RNF111: variants seen among roughly 807,000 people sequenced by gnomAD.
RNF111 encodes ring finger protein 111.
In RNF111, 17 loss-of-function variants were observed where a neutral mutation model predicts 95.1. That is an observed-to-expected ratio of 0.18 (90% CI 0.12 to 0.27). The LOEUF (loss-of-function observed/expected upper bound fraction) is 0.27. Among genes scored for constraint, RNF111 ranks in the 10% least tolerant of loss-of-function variants. The pLI, the probability that RNF111 is intolerant of heterozygous loss-of-function variation, is 1.00. For missense variants in RNF111, 1,189 were observed against 1,210.4 expected, an observed-to-expected ratio of 0.98 and a Z score of 0.26; for synonymous variants, 440 against 414.8, an observed-to-expected ratio of 1.06 and a Z score of -0.74.
At position 59,096,333 on chromosome 15, in the gene RNF111, ATGTTCCC is replaced by A. The variant is rs749999952; in HGVS notation, c.*1434_*1440del. 158 of 348,136 alleles carry A rather than the reference ATGTTCCC, an allele frequency of 4.5e-4. No homozygotes were observed. The highest frequency in any genetic ancestry group is 7.3e-4 in the Non-Finnish European group (143 of 194,890). 21.6% of individuals were successfully genotyped at this position (348,136 alleles called of 1,614,324 possible). ...ATATCACTGTCTGTATGTGGAGGAC[ATGTTCCC>A]ATGGATCATATGTGAAGATGTCAAT... On this transcript the variant is annotated 3_prime_UTR_variant, in exon 14 of 14. Coordinates refer to ENST00000348370, the MANE Select transcript of RNF111 (RefSeq NM_017610.8).
At chr15:58,990,436 A>G (rs866667430) in intron 1 of RNF111, among the ~76,000 whole-genome samples, 2 of 151,980 alleles carry the variant, frequency 1.3e-5, no homozygotes, top group African/African-American at 2.4e-5. Flanking sequence ...AAGGCGGGCG[A>G]ATCACTTGAG....
chr15:59,086,453 C>T (rs146072408), intron 10 of RNF111, among the ~76,000 whole-genome samples: 1 of 152,330 alleles, frequency 6.6e-6, no homozygotes, highest in East Asian at 1.9e-4. Context: ...TATACTAATT[C>T]TCTACATCTG....
intron 1 of RNF111, among the ~76,000 whole-genome samples, chr15:58,993,075 C>A (rs2038890714): frequency 6.6e-6 from 1 of 150,956 alleles, no homozygotes; most frequent in South Asian, 2.1e-4. Flanking sequence ...GAGGTTGAGG[C>A]AGGAGAATGA....
chr15:59,062,051 C>CTT (rs71119429), intron 5 of RNF111, among the ~76,000 whole-genome samples: 12,213 of 122,116 alleles, frequency 0.1, 749 homozygotes, highest in East Asian at 0.25. Flanking sequence ...TTTTAAACTT[C>CTT]TTTTTTTTTT....
rs754713651 is a variant in RNF111, at chr15:59,055,668, T to C, written c.1008-14T>C. 1 of 1,566,376 alleles carries C rather than the reference T, an allele frequency of 6.4e-7. No homozygotes were observed. The highest frequency in any genetic ancestry group is 1.8e-5 in the Admixed American group (1 of 54,150). ...TTATTTATATTTACTAACTTAATAT[T>C]GATGTCATTTAAGGTCTCGTTCAAC... On this transcript the variant is annotated splice_polypyrimidine_tract_variant and intron_variant, in intron 3 of 13. Transcript: ENST00000348370.
intron 1 of RNF111, among the ~76,000 whole-genome samples, chr15:59,027,030 TG>T (rs1360933397): frequency 6.6e-6 from 1 of 152,216 alleles, no homozygotes; most frequent in African/African-American, 2.4e-5. Context: ...CATGAAATGA[TG>T]GAAAAGAAAT....
intron 9 of RNF111, 58 bp downstream of exon 9, chr15:59,084,312 A>T: frequency 7.0e-7 from 1 of 1,422,552 alleles, no homozygotes; most frequent in Non-Finnish European, 9.3e-7. Flanking sequence ...AAACTATTGG[A>T]AGAGATGCCT....
chr15:59,021,743 ATCACTGT>A (rs2040355605), intron 1 of RNF111, among the ~76,000 whole-genome samples: 1 of 152,278 alleles, frequency 6.6e-6, no homozygotes, highest in East Asian at 1.9e-4. Context: ...GAAAATCTAC[ATCACTGT>A]TCACTGTTTA....
chr15:58,991,935 CT>C (rs765991510), intron 1 of RNF111, among the ~76,000 whole-genome samples: 1 of 152,068 alleles, frequency 6.6e-6, no homozygotes, highest in East Asian at 1.9e-4. Context: ...GTTATTGTAA[CT>C]TTGTTAGGGA....
At chr15:59,038,896 C>G (rs1220486913) in intron 2 of RNF111, among the ~76,000 whole-genome samples, 2 of 152,148 alleles carry the variant, frequency 1.3e-5, no homozygotes, top group Admixed American at 1.3e-4. Flanking sequence ...TTCCCCTTCA[C>G]TGTTTTCTGT....
rs558921595 is a variant in RNF111 at position 58,997,772 on chromosome 15, C to G, written c.-20+9704C>G. ...CAGAGGTTGCAGTGAGCCAAGATTGCGCCACTGCACTCCAGCCTGGCGACA... is the reference window on the plus strand; with the variant it reads ...CAGAGGTTGCAGTGAGCCAAGATTGGGCCACTGCACTCCAGCCTGGCGACA... On this transcript the variant is annotated intron_variant, in intron 1 of 13. Coordinates refer to ENST00000348370, the MANE Select transcript of RNF111 (RefSeq NM_017610.8). 2.3e-3 allele frequency among the ~76,000 whole-genome samples: 341 copies of G among 150,466 alleles called. 4 individuals are homozygous for G. Among genetic ancestry groups the G allele is most frequent in the African/African-American group, 7.8e-3 (320 of 40,972 alleles).
chr15:59,009,794 A>G (rs2039706907), intron 1 of RNF111, among the ~76,000 whole-genome samples: 1 of 152,014 alleles, frequency 6.6e-6, no homozygotes, highest in African/African-American at 2.4e-5. Context: ...GTCTCTGCAA[A>G]AAATTCAAAA....
In RNF111 at chr15:59,095,506, G is replaced by C. The variant is rs1299867390; in HGVS notation, c.*606G>C. On this transcript the variant is annotated 3_prime_UTR_variant, in exon 14 of 14. Transcript: ENST00000348370. ...GATGCAGGTGGTAGTCACATCACCAGAGTGATCAGTATAAATTTTCTTGGT... is the reference window on the plus strand; with the variant it reads ...GATGCAGGTGGTAGTCACATCACCACAGTGATCAGTATAAATTTTCTTGGT... 1 of 153,154 alleles carries C rather than the reference G, an allele frequency of 6.5e-6. No individual in the cohort carries two copies. The highest frequency in any genetic ancestry group is 1.5e-5 in the Non-Finnish European group (1 of 68,598). The allele number at this position is 153,154 out of a possible 1,614,324, so 9.5% of individuals were successfully genotyped here.
intron 1 of RNF111, chr15:59,004,126 T>C: frequency 8.3e-7 from 1 of 1,208,008 alleles, no homozygotes; most frequent in Non-Finnish European, 1.1e-6. Flanking sequence ...CCAGTGTGAA[T>C]GCATGTTTTT....
chr15:59,035,956 A>G (rs1268817044), intron 2 of RNF111, among the ~76,000 whole-genome samples: 2 of 152,192 alleles, frequency 1.3e-5, no homozygotes, highest in Non-Finnish European at 2.9e-5. Context: ...AGTTGCTTCC[A>G]CATTTTCAGA....
At chr15:59,028,754 C>T (rs2040750281) in intron 1 of RNF111, among the ~76,000 whole-genome samples, 1 of 149,190 alleles carries the variant, frequency 6.7e-6, no homozygotes, top group African/African-American at 2.5e-5. Flanking sequence ...AGTGGAAATG[C>T]TAGGTCACAT....
At chr15:59,042,462 A>G (rs1443454615) in intron 2 of RNF111, among the ~76,000 whole-genome samples, 1 of 152,102 alleles carries the variant, frequency 6.6e-6, no homozygotes, top group Non-Finnish European at 1.5e-5. Flanking sequence ...ATCAACTTTT[A>G]TTCTTACTGC....
intron 2 of RNF111, among the ~76,000 whole-genome samples, chr15:59,043,181 G>T (rs551697711): frequency 6.7e-6 from 1 of 150,306 alleles, no homozygotes; most frequent in South Asian, 2.1e-4. Flanking sequence ...TTGAGACAGG[G>T]TCTCATTTTG....
intron 2 of RNF111, among the ~76,000 whole-genome samples, chr15:59,040,738 A>G (rs2041408854): frequency 6.6e-6 from 1 of 152,212 alleles, no homozygotes; most frequent in Non-Finnish European, 1.5e-5. Context: ...CAGTAATTCT[A>G]ATTAATACAG....
Sources: gnomAD v4.1 joint callset for allele counts (sites outside exome capture counted in the v4.1 genomes callset) on GRCh38, gnomAD v4.1.1 for gene constraint, MANE v1.5 for transcripts, NCBI Gene and HGNC (gene_info 2026-07-23, HGNC 2026-07-21) for gene names.